The following HK2 variants were observed in gnomAD, a reference collection of about 807,000 sequenced individuals.
HK2 encodes the protein hexokinase-2.
HK2 carries 42 observed loss-of-function variants against 92.9 expected under a neutral mutation model. That is an observed-to-expected ratio of 0.45 (90% confidence interval 0.35 to 0.58). The LOEUF is 0.58. HK2 is among the 20% of genes least tolerant of loss of function. The pLI is 0.00. For missense variants in HK2, 978 were observed against 1,245.1 expected, an observed-to-expected ratio of 0.79 and a Z score of 3.23; for synonymous variants, 422 against 468.0, an observed-to-expected ratio of 0.90 and a Z score of 1.27.
In HK2 at chr2:74,886,546, G is replaced by A. The variant is rs774046795; in HGVS notation, c.2092G>A (p.Gly698Arg). ...GATGCGCAACGTGGAACTGGTGGAAGGAGAAGAGGGGCGGATGTGTGTGAA... is the reference window on the plus strand; with the variant it reads ...GATGCGCAACGTGGAACTGGTGGAAAGAGAAGAGGGGCGGATGTGTGTGAA... ...EEMRNVELVE[G>R]EEGRMCVNME... Residue 698 changes from glycine to arginine, a missense_variant, in exon 15 of 18, where the codon GGA becomes AGA. By Grantham distance (125) the Gly-to-Arg change is moderately radical (BLOSUM62 -2). Around this residue, in one of 3 missense-constraint regions of HK2, gnomAD observed 742 missense variants for 922.5 expected, o/e 0.80. Transcript: ENST00000290573. 3.7e-6 allele frequency: 6 copies of A among 1,614,028 alleles called. No homozygotes were observed. In the South Asian group the frequency reaches 5.5e-5, roughly 15 times the overall value.
intron 15 of HK2, among the ~76,000 whole-genome samples, chr2:74,887,355 C>T (rs934929377): frequency 6.6e-6 from 1 of 151,468 alleles, no homozygotes; most frequent in Non-Finnish European, 1.5e-5. Context: ...CTAGGGACCT[C>T]GTTTTTTTTT....
intron 1 of HK2, among the ~76,000 whole-genome samples, chr2:74,840,633 C>G (rs1489543132): frequency 1.3e-5 from 2 of 148,240 alleles, no homozygotes; most frequent in East Asian, 4.1e-4. Flanking sequence ...TTTGAGAGGC[C>G]AAGGCGGGCG....
At position 74,834,238 on chromosome 2, in the gene HK2, G is replaced by A. The variant is rs1688090897; in HGVS notation, c.-343G>A. ...AGCCACGCGCCTGTGAATCGGAGAG[G>A]TCCCACTGCCCGAGTGGAGCCGGGC... is the stretch of plus-strand genomic sequence containing the variant. On this transcript the variant is annotated 5_prime_UTR_variant, in exon 1 of 18. Transcript: ENST00000290573. The surrounding 1 kb of genome is among the most constrained non-coding windows in gnomAD (Gnocchi z 4.2). The A allele has an allele frequency of 2.4e-6, 1 of 416,282 alleles. No individual in the cohort carries two copies. The highest frequency in any genetic ancestry group is 4.5e-6 in the Non-Finnish European group (1 of 219,846). The allele number at this position is 416,282 out of a possible 1,614,324, so 25.8% of individuals were successfully genotyped here.
rs1573388029 is a variant in HK2, at chr2:74,881,736, C to A, written c.1596C>A (p.Asp532Glu). 2.5e-6 allele frequency: 4 copies of A among 1,614,204 alleles called. No individual in the cohort carries two copies. Among genetic ancestry groups the A allele is most frequent in the Non-Finnish European group, 3.4e-6 (4 of 1,180,032 alleles). ...GTEKGDFLAL[D>E]LGGTNFRVLL... Reference sequence around the variant, plus strand: ...AGAAAGGGGACTTCTTGGCCTTGGACCTTGGAGGAACAAATTTCCGGGTCC... The same window carrying A: ...AGAAAGGGGACTTCTTGGCCTTGGAACTTGGAGGAACAAATTTCCGGGTCC... The change falls in exon 11 of 18, where the codon GAC (aspartate) becomes GAA (glutamate). Residue 532 changes from aspartate (D) to glutamate (E), a missense_variant. This residue lies in a region of HK2 where 742 missense variants were observed against 922.5 expected (regional missense o/e 0.80). Coordinates refer to ENST00000290573, the MANE Select transcript of HK2 (RefSeq NM_000189.5).
At chr2:74,878,640 CCA>C (rs1689298418) in intron 8 of HK2, 46 bp from the exon 9 acceptor site, 10 of 1,449,612 alleles carry the variant, frequency 6.9e-6, no homozygotes, top group Non-Finnish European at 9.5e-6. Flanking sequence ...CACACACTGG[CCA>C]CAGTGGGTCA....
At position 74,890,748 on chromosome 2, in the gene HK2, A is replaced by C. The variant is rs756255969; in HGVS notation, c.2610-49A>C. 4 of 1,610,602 alleles carry C rather than the reference A, an allele frequency of 2.5e-6. No homozygotes were observed. The East Asian group carries it at 8.9e-5, about 36-fold the overall frequency. ...TCATTTCTAAGTGCAAATACAAACC[A>C]ATCATGACTAAGATGGTTTTTCCTG... On this transcript the variant is annotated intron_variant, in intron 17 of 17. Transcript: ENST00000290573.
At chr2:74,878,315 TCACA>T (rs1164639957) in intron 8 of HK2, among the ~76,000 whole-genome samples, 1 of 152,040 alleles carries the variant, frequency 6.6e-6, no homozygotes, top group Non-Finnish European at 1.5e-5. Context: ...ACACAAACTC[TCACA>T]CACACAACTT....
At chr2:74,847,805 A>C (rs10496195) in intron 1 of HK2, among the ~76,000 whole-genome samples, 41,750 of 152,172 alleles carry the variant, frequency 0.27, 6,774 homozygotes, top group Middle Eastern at 0.43. Flanking sequence ...CCATCGGCCT[A>C]TAACAGGTAG....
chr2:74,880,142 C>A, intron 9 of HK2, 123 bp from the exon 10 acceptor site: 1 of 1,014,896 alleles, frequency 9.9e-7, no homozygotes, highest in Non-Finnish European at 1.5e-6. Context: ...ATGTTTAGGG[C>A]AGCACCCACT....
At chr2:74,844,239 G>C (rs1049144905) in intron 1 of HK2, among the ~76,000 whole-genome samples, 1 of 152,124 alleles carries the variant, frequency 6.6e-6, no homozygotes, top group African/African-American at 2.4e-5. Context: ...GTGTACTAAG[G>C]GACCAGCCCA....
At chr2:74,890,509 A>G (rs1689650780) in intron 17 of HK2, among the ~76,000 whole-genome samples, 1 of 152,214 alleles carries the variant, frequency 6.6e-6, no homozygotes, top group African/African-American at 2.4e-5. Context: ...TAGTTTTAAG[A>G]ACACAGTTTG....
At chr2:74,848,413 G>A (rs1048587464) in intron 1 of HK2, among the ~76,000 whole-genome samples, 3 of 152,142 alleles carry the variant, frequency 2.0e-5, no homozygotes, top group African/African-American at 7.2e-5. Flanking sequence ...CAATTTAGTG[G>A]CATTAAGTGT....
chr2:74,878,827 G>T lies in HK2; in HGVS notation c.1171G>T (p.Ala391Ser). The part of the protein sequence containing the change: ...RSASLCAATL[A>S]AVLQRIKENK... ...CGCCAGCCTGTGCGCAGCCACCCTG[G>T]CCGCCGTGCTGCAGCGCATCAAGGA... Residue 391 changes from alanine to serine, a missense_variant, in exon 9 of 18, where the codon GCC (alanine) becomes TCC (serine). By Grantham distance (99) the Ala-to-Ser change is moderately conservative. Coordinates refer to ENST00000290573, the MANE Select transcript of HK2 (RefSeq NM_000189.5). The T allele has an allele frequency of 1.3e-6, 2 of 1,558,394 alleles. No individual in the cohort carries two copies. Among genetic ancestry groups the T allele is most frequent in the Non-Finnish European group, 1.7e-6 (2 of 1,150,574 alleles).
chr2:74,863,333 T>G (rs907636567), intron 2 of HK2, among the ~76,000 whole-genome samples: 7 of 152,258 alleles, frequency 4.6e-5, no homozygotes, highest in Non-Finnish European at 1.0e-4. Context: ...TTGCTTAAAA[T>G]GGTTTGAAAA....
At chr2:74,849,938 T>G (rs549155126) in intron 1 of HK2, among the ~76,000 whole-genome samples, 173 of 152,386 alleles carry the variant, frequency 1.1e-3, no homozygotes, top group African/African-American at 3.8e-3. Context: ...TGAATGAGTC[T>G]GCTTTGATAG....
chr2:74,847,421 T>C (rs1331004134), intron 1 of HK2, among the ~76,000 whole-genome samples: 1 of 152,158 alleles, frequency 6.6e-6, no homozygotes, highest in Non-Finnish European at 1.5e-5. Flanking sequence ...CTCATGCTTG[T>C]AATCCCAGCA....
intron 1 of HK2, among the ~76,000 whole-genome samples, chr2:74,843,032 C>A (rs2103842989): frequency 6.6e-6 from 1 of 152,272 alleles, no homozygotes; most frequent in East Asian, 1.9e-4. Flanking sequence ...TAAATACTTG[C>A]TCACTCATCC....
intron 1 of HK2, among the ~76,000 whole-genome samples, chr2:74,838,877 G>A (rs922702831): frequency 5.0e-4 from 76 of 152,274 alleles, no homozygotes; most frequent in African/African-American, 1.8e-3. Context: ...TATACAAGAT[G>A]CAGGATTTTG....
chr2:74,852,734 C>G (rs1170413332), intron 1 of HK2, among the ~76,000 whole-genome samples: 1 of 151,968 alleles, frequency 6.6e-6, no homozygotes, highest in African/African-American at 2.4e-5. Flanking sequence ...TCTGATGCTT[C>G]TCATTCTCCT....
Sources: gnomAD v4.1 joint callset for allele counts (sites outside exome capture counted in the v4.1 genomes callset) on GRCh38, gnomAD v4.1.1 for gene constraint, gnomAD v4.1.1 regional missense constraint, Gnocchi (gnomAD v3.1) non-coding constraint, MANE v1.5 for transcripts, NCBI Gene and HGNC (gene_info 2026-07-23, HGNC 2026-07-21) for gene names.